The following SLC12A7 variants were observed in gnomAD, a reference collection of about 807,000 sequenced individuals.
SLC12A7 encodes K-Cl cotransporter 4.
SLC12A7 carries 100 observed loss-of-function variants against 120.6 expected under a neutral mutation model. That is an observed-to-expected ratio of 0.83 (90% CI 0.71 to 0.98). The LOEUF is 0.98. Ranked by LOEUF, SLC12A7 falls within the 50% of genes least tolerant of loss-of-function variation. The probability of loss-of-function intolerance (pLI) is 0.00; values close to 1 mark genes in which losing one functional copy is unlikely to be tolerated. For synonymous variants in SLC12A7, 760 were observed against 678.0 expected (o/e 1.12, Z -1.88); for missense variants, 1,373 against 1,548.1 (o/e 0.89, Z 1.90).
Position 1,051,059 on chromosome 5 carries a change from T to C in SLC12A7, c.*1301A>G, listed in dbSNP as rs1345385001. Reference sequence around the variant, plus strand: ...TCCCTGGGGTGTTTAAATAAATAAATATGCCACATAGAAAGGGAGGCCCAA... The same window carrying C: ...TCCCTGGGGTGTTTAAATAAATAAACATGCCACATAGAAAGGGAGGCCCAA... On this transcript the variant is annotated 3_prime_UTR_variant, in exon 24 of 24. Transcript: ENST00000264930. 3 of 397,536 alleles carry C rather than the reference T, an allele frequency of 7.5e-6. No homozygotes were observed. Among genetic ancestry groups the C allele is most frequent in the Admixed American group, 4.4e-5 (1 of 22,698 alleles). 24.6% of individuals were successfully genotyped at this position (397,536 alleles called of 1,614,324 possible). A position where few individuals can be genotyped will look rare whatever the true frequency, so the allele number is the denominator to read the frequency against.
intron 18 of SLC12A7, among the ~76,000 whole-genome samples, chr5:1,064,644 G>A (rs1736722174): frequency 1.3e-5 from 2 of 152,070 alleles, no homozygotes; most frequent in South Asian, 4.2e-4. Flanking sequence ...GAGACAGAGG[G>A]GACGGCGAGG....
chr5:1,116,576 C>T (rs537697333), upstream of SLC12A7, among the ~76,000 whole-genome samples: 11 of 152,312 alleles, frequency 7.2e-5, no homozygotes, highest in East Asian at 1.7e-3. Context: ...ACTGAGTCTT[C>T]GCTCAAGTTC....
rs76394500 is a variant in SLC12A7 at position 1,052,153 on chromosome 5, G to A, written c.*207C>T. 3.7e-4 allele frequency: 219 copies of A among 588,836 alleles called. No homozygotes were observed. Among genetic ancestry groups the A allele is most frequent in the African/African-American group, 3.3e-3 (179 of 53,708 alleles). 36.5% of individuals were successfully genotyped at this position (588,836 alleles called of 1,614,324 possible). On this transcript the variant is annotated 3_prime_UTR_variant, in exon 24 of 24. Coordinates refer to ENST00000264930, the MANE Select transcript of SLC12A7 (RefSeq NM_006598.3). The stretch of plus-strand genomic sequence containing the variant: ...AGATGCAAGGAAATCGTCCAGCCAC[G>A]CCCTGATTTGCTGAGCCTGTTAAGG...
chr5:1,052,282 T>TC lies in SLC12A7; in HGVS notation c.*77dup. The TC allele has an allele frequency of 8.1e-7, 1 of 1,233,392 alleles. No homozygotes were observed. The highest frequency in any genetic ancestry group is 1.2e-6 in the Non-Finnish European group (1 of 836,670). The allele number at this position is 1,233,392 out of a possible 1,614,324, so 76.4% of individuals were successfully genotyped here. On this transcript the variant is annotated 3_prime_UTR_variant, in exon 24 of 24. Transcript: ENST00000264930. Reference sequence around the variant, plus strand: ...GGGACAGGTGTGTCTGCCGTCTGTTTCCCTGGGCCAAGCCCAGGCCCAGGC... The same window carrying TC: ...GGGACAGGTGTGTCTGCCGTCTGTTTCCCCTGGGCCAAGCCCAGGCCCAGGC...
At position 1,095,023 on chromosome 5, in the gene SLC12A7, G is replaced by T. The variant is rs1340888505; in HGVS notation, c.125-775C>A. On this transcript the variant is annotated intron_variant, in intron 1 of 23. Coordinates refer to ENST00000264930, the MANE Select transcript of SLC12A7 (RefSeq NM_006598.3). The stretch of plus-strand genomic sequence containing the variant: ...GATAGGGTCGGTAGGAGGTGGGGGC[G>T]GTAGGAGGCGGGGGGCCGGTAGGAG... Among the ~76,000 whole-genome samples the T allele has an allele frequency of 7.9e-5, 11 of 139,444 alleles. No homozygotes were observed. The South Asian group carries it at 2.3e-3, about 29-fold the overall frequency. 91.5% of individuals were successfully genotyped at this position (139,444 alleles called of 152,430 possible).
At chr5:1,083,627 C>T (rs889711552) in intron 8 of SLC12A7, 118 bp downstream of exon 8, 36 of 1,061,820 alleles carry the variant, frequency 3.4e-5, no homozygotes, top group African/African-American at 1.6e-4. Flanking sequence ...GGAAGGGGCT[C>T]GGCCAGGCAG....
the SLC12A7 span, among the ~76,000 whole-genome samples, chr5:1,154,754 C>A: frequency 6.7e-6 from 1 of 149,280 alleles, no homozygotes; most frequent in African/African-American, 2.4e-5. Context: ...TCCCCCAGGG[C>A]CCGTCGGAGC....
At chr5:1,095,632 G>A (rs1395859198) in intron 1 of SLC12A7, among the ~76,000 whole-genome samples, 1 of 152,232 alleles carries the variant, frequency 6.6e-6, no homozygotes, top group Non-Finnish European at 1.5e-5. Flanking sequence ...CGAGGTGGCC[G>A]GAGGAGGGCA....
chr5:1,132,756 C>G, the SLC12A7 span, among the ~76,000 whole-genome samples: 54 of 152,306 alleles, frequency 3.5e-4, 1 homozygote, highest in East Asian at 9.3e-3. Context: ...CCCTCTGGAG[C>G]CTTGGGGCCA....
At chr5:1,054,828 T>C (rs1159353255) in intron 22 of SLC12A7, among the ~76,000 whole-genome samples, 1 of 152,274 alleles carries the variant, frequency 6.6e-6, no homozygotes, top group Admixed American at 6.5e-5. Flanking sequence ...CTCTCCAGCC[T>C]GGTCTAATTA....
chr5:1,131,497 G>A, the SLC12A7 span, among the ~76,000 whole-genome samples: 1,262 of 152,314 alleles, frequency 8.3e-3, 19 homozygotes, highest in African/African-American at 0.029. Context: ...AGCAGGCACC[G>A]GCCCTGGTGG....
the SLC12A7 span, among the ~76,000 whole-genome samples, chr5:1,121,548 TTGG>T: frequency 6.6e-6 from 1 of 152,218 alleles, no homozygotes; most frequent in Admixed American, 6.5e-5. Context: ...GGCAGCGGCA[TTGG>T]TGGGCACAGG....
intron 22 of SLC12A7, chr5:1,056,667 T>C (rs1735646880): frequency 3.6e-6 from 3 of 844,822 alleles, no homozygotes; most frequent in Admixed American, 6.2e-5. Flanking sequence ...CCAGATCGCA[T>C]GGCTGCCCAG....
chr5:1,113,804 G>A (rs1433510234), upstream of SLC12A7, among the ~76,000 whole-genome samples: 1 of 152,204 alleles, frequency 6.6e-6, no homozygotes, highest in Admixed American at 6.5e-5. Flanking sequence ...TTCACACTTA[G>A]GGTGCTGGGT....
the SLC12A7 span, among the ~76,000 whole-genome samples, chr5:1,137,410 C>T: frequency 1.3e-5 from 2 of 152,200 alleles, no homozygotes; most frequent in Non-Finnish European, 2.9e-5. Context: ...ACCTTGTTTC[C>T]TTACAGCTCA....
At chr5:1,110,595 G>T (rs1364680027) in intron 1 of SLC12A7, among the ~76,000 whole-genome samples, 1 of 152,274 alleles carries the variant, frequency 6.6e-6, no homozygotes, top group African/African-American at 2.4e-5. Context: ...TTCTGAGTGC[G>T]TTCCGGGGGC....
rs1379167447 is a variant in SLC12A7 at position 1,051,075 on chromosome 5, G to A, written c.*1285C>T. 8 of 396,976 alleles carry A rather than the reference G, an allele frequency of 2.0e-5. No individual in the cohort carries two copies. Among genetic ancestry groups the A allele is most frequent in the Admixed American group, 1.8e-4 (4 of 22,676 alleles). 24.6% of individuals were successfully genotyped at this position (396,976 alleles called of 1,614,324 possible). ...ATAAATAAATATGCCACATAGAAAG[G>A]GAGGCCCAAGTCGGTGCCACTGCCC... On this transcript the variant is annotated 3_prime_UTR_variant, in exon 24 of 24. Transcript: ENST00000264930.
rs374367450 is a variant in SLC12A7, at chr5:1,088,131, T to C, written c.544+175A>G. ...AATGGGGAAGAAAACCAAACAGCCG[T>C]GACCTCACGGCTCAAACGCCAGAGG... On this transcript the variant is annotated intron_variant, in intron 5 of 23. Coordinates refer to ENST00000264930, the MANE Select transcript of SLC12A7 (RefSeq NM_006598.3). Among the ~76,000 whole-genome samples, 27 of 152,310 alleles carry C rather than the reference T, an allele frequency of 1.8e-4. No homozygotes were observed. The East Asian group carries it at 5.2e-3, about 29-fold the overall frequency.
chr5:1,150,845 C>A, the SLC12A7 span, among the ~76,000 whole-genome samples: 1 of 152,256 alleles, frequency 6.6e-6, no homozygotes, highest in African/African-American at 2.4e-5. Flanking sequence ...CAGTGGCCTC[C>A]GCCTGGGATC....
Sources: gnomAD v4.1 joint callset for allele counts (sites outside exome capture counted in the v4.1 genomes callset) on GRCh38, gnomAD v4.1.1 for gene constraint, MANE v1.5 for transcripts, NCBI Gene and HGNC (gene_info 2026-07-23, HGNC 2026-07-21) for gene names.